Variants in SLC2A13 observed in about 807,000 individuals in gnomAD.
The protein encoded by SLC2A13 is solute carrier family 2 member 13, also known as proton myo-inositol cotransporter.
Under a neutral mutation model 64.4 loss-of-function variants are expected in SLC2A13, and 32 were observed. The observed-to-expected ratio is 0.50, with a 90% confidence interval of 0.37 to 0.67. The LOEUF (loss-of-function observed/expected upper bound fraction) is 0.67, where lower values mean the gene tolerates loss of function less well. Ranked by LOEUF, SLC2A13 falls within the 30% of genes least tolerant of loss-of-function variation. The pLI is 0.00. For missense variants in SLC2A13, 743 were observed against 829.2 expected (o/e 0.90, Z 1.28); for synonymous variants, 338 against 327.1 (o/e 1.03, Z -0.36).
At chr12:39,857,913 CCTT>C (rs1806716179) in intron 6 of SLC2A13, among the ~76,000 whole-genome samples, 1 of 152,174 alleles carries the variant, frequency 6.6e-6, no homozygotes, top group Admixed American at 6.5e-5. Flanking sequence ...CTTGAGTCCT[CCTT>C]CTTGTCTTTC....
chr12:39,811,177 T>C (rs1942145833), intron 7 of SLC2A13, among the ~76,000 whole-genome samples: 1 of 152,078 alleles, frequency 6.6e-6, no homozygotes, highest in African/African-American at 2.4e-5. Context: ...TTAATTATAA[T>C]AATAGAAAGT....
intron 4 of SLC2A13, among the ~76,000 whole-genome samples, chr12:39,896,668 TTAAA>T (rs1944926662): frequency 1.3e-5 from 2 of 151,818 alleles, no homozygotes; most frequent in Non-Finnish European, 2.9e-5. Context: ...TCAATGAAGT[TTAAA>T]TATTAATATC....
chr12:39,900,029 G>T (rs1945042001), intron 4 of SLC2A13, among the ~76,000 whole-genome samples: 2 of 152,184 alleles, frequency 1.3e-5, no homozygotes, highest in African/African-American at 4.8e-5. Flanking sequence ...TGCAAGGCTG[G>T]TTCATTATAT....
chr12:40,008,454 AAAC>A (rs749688255), intron 3 of SLC2A13, among the ~76,000 whole-genome samples: 1 of 152,110 alleles, frequency 6.6e-6, no homozygotes, highest in African/African-American at 2.4e-5. Context: ...GAAAATACAA[AAAC>A]AACATTAGCC....
chr12:39,905,079 A>AG, intron 4 of SLC2A13, among the ~76,000 whole-genome samples: 1 of 152,296 alleles, frequency 6.6e-6, no homozygotes, highest in East Asian at 1.9e-4. Flanking sequence ...AAATATGCCC[A>AG]CAGAATGAGA....
intron 6 of SLC2A13, among the ~76,000 whole-genome samples, chr12:39,844,177 A>G (rs773385985): frequency 1.3e-5 from 2 of 152,066 alleles, no homozygotes; most frequent in Non-Finnish European, 2.9e-5. Flanking sequence ...ATAGTTAACT[A>G]GTTGTGTTAC....
chr12:39,814,123 A>G (rs1942270439), intron 7 of SLC2A13, among the ~76,000 whole-genome samples: 1 of 152,248 alleles, frequency 6.6e-6, no homozygotes, highest in Non-Finnish European at 1.5e-5. Context: ...GTGATAATTA[A>G]GAATTAAATT....
At chr12:39,991,564 G>A (rs1311194971) in intron 3 of SLC2A13, among the ~76,000 whole-genome samples, 1 of 152,118 alleles carries the variant, frequency 6.6e-6, no homozygotes, top group African/African-American at 2.4e-5. Context: ...GGTTGGTTTG[G>A]GATGTGAGGA....
intron 7 of SLC2A13, among the ~76,000 whole-genome samples, chr12:39,802,556 C>T (rs1941830321): frequency 6.6e-6 from 1 of 152,090 alleles, no homozygotes; most frequent in Non-Finnish European, 1.5e-5. Flanking sequence ...AGCAGAGATA[C>T]CCACCCACTG....
At chr12:40,004,863 A>G (rs1047092484) in intron 3 of SLC2A13, among the ~76,000 whole-genome samples, 6 of 152,254 alleles carry the variant, frequency 3.9e-5, no homozygotes, top group East Asian at 1.9e-4. Context: ...TAAGAAAATC[A>G]TAAGAGAGAA....
rs558605483 is a variant in SLC2A13 at position 39,861,902 on chromosome 12, T to C, written c.1319+2860A>G. Among the ~76,000 whole-genome samples, 5 of 152,294 alleles carry C rather than the reference T, an allele frequency of 3.3e-5. No homozygotes were observed. In the South Asian group the frequency reaches 1.0e-3, roughly 32 times the overall value. On this transcript the variant is annotated intron_variant, in intron 6 of 9. Transcript: ENST00000280871. ...ATTTAATTTTAAGTTCCAGGATACA[T>C]GTGCAGGACGTGCAGGTCTGTTACA... is the stretch of plus-strand genomic sequence containing the variant.
chr12:39,930,241 G>A (rs1945801667), intron 4 of SLC2A13, among the ~76,000 whole-genome samples: 1 of 152,080 alleles, frequency 6.6e-6, no homozygotes, highest in African/African-American at 2.4e-5. Context: ...AGCAGGCCAG[G>A]ATCATGGGTT....
At chr12:39,868,083 T>G (rs1022426373) in intron 5 of SLC2A13, among the ~76,000 whole-genome samples, 35 of 152,328 alleles carry the variant, frequency 2.3e-4, no homozygotes, top group African/African-American at 8.2e-4. Context: ...ATCAGTCCCT[T>G]GTTAGTATTT....
chr12:40,105,584 G>C lies in SLC2A13; in HGVS notation c.225C>G (p.Asp75Glu), dbSNP rs760884647. 6.4e-7 allele frequency: 1 copy of C among 1,553,554 alleles called. No individual in the cohort carries two copies. The highest frequency in any genetic ancestry group is 1.4e-5 in the African/African-American group (1 of 70,676). Residue 75 changes from aspartate to glutamate, a missense_variant, in exon 1 of 10, where the codon GAC becomes GAG. Around this residue, in one of 2 missense-constraint regions of SLC2A13, gnomAD observed 448 missense variants for 447.4 expected, o/e 1.00. Transcript: ENST00000280871. The surrounding 1 kb of genome is among the most constrained non-coding windows in gnomAD (Gnocchi z 4.2). ...ERAARRQFQQ[D>E]ETPAFVYVVA... ...CCACGTACACGAAGGCGGGGGTCTCGTCCTGCTGGAACTGCCGCCGCGCCG... is the reference window on the plus strand; with the variant it reads ...CCACGTACACGAAGGCGGGGGTCTCCTCCTGCTGGAACTGCCGCCGCGCCG...
intron 4 of SLC2A13, among the ~76,000 whole-genome samples, chr12:39,919,238 T>C (rs567335387): frequency 6.6e-6 from 1 of 152,226 alleles, no homozygotes; most frequent in Admixed American, 6.5e-5. Flanking sequence ...CGATTATAAA[T>C]ATTGTAGCAT....
intron 3 of SLC2A13, among the ~76,000 whole-genome samples, chr12:40,011,858 A>G (rs1461764155): frequency 6.6e-6 from 1 of 152,176 alleles, no homozygotes; most frequent in Non-Finnish European, 1.5e-5. Flanking sequence ...ACAACTCTGA[A>G]GACAGTGACA....
At position 40,033,410 on chromosome 12, in the gene SLC2A13, C is replaced by T. The variant is rs1001280417; in HGVS notation, c.717-4901G>A. 3.3e-5 allele frequency among the ~76,000 whole-genome samples: 5 copies of T among 152,166 alleles called. No homozygotes were observed. In the South Asian group the frequency reaches 1.0e-3, roughly 32 times the overall value. ...AGAAATAACAAAGCAAAAGCAAAAG[C>T]AAAGCTGGCTGGCTGGGAGCTGTCA... On this transcript the variant is annotated intron_variant, in intron 2 of 9. Transcript: ENST00000280871.
chr12:39,872,446 T>C (rs534765830), intron 4 of SLC2A13, among the ~76,000 whole-genome samples: 13 of 151,928 alleles, frequency 8.6e-5, no homozygotes, highest in Non-Finnish European at 1.9e-4. Flanking sequence ...AAAGACACAA[T>C]GAGTAAGACA....
chr12:39,938,404 A>AG, intron 4 of SLC2A13, among the ~76,000 whole-genome samples: 1 of 68,180 alleles, frequency 1.5e-5, no homozygotes. Flanking sequence ...AAGAAACTTT[A>AG]AAAAAAAAAA....
Sources: allele counts gnomAD v4.1 joint callset (sites outside exome capture counted in the v4.1 genomes callset), GRCh38; gene constraint gnomAD v4.1.1; regional missense constraint gnomAD v4.1.1; non-coding constraint Gnocchi (gnomAD v3.1); transcripts MANE v1.5; gene names NCBI Gene and HGNC (gene_info 2026-07-23, HGNC 2026-07-21).